The following LRP1B variants were observed in gnomAD, a reference collection of about 807,000 sequenced individuals.
LRP1B encodes the protein LDL receptor related protein 1B, also known as low-density lipoprotein receptor-related protein 1B.
In LRP1B, 217 loss-of-function variants were observed where a neutral mutation model predicts 556.6. The ratio of observed to expected loss-of-function variants is 0.39; its 90% confidence interval spans 0.35 to 0.44. The LOEUF (loss-of-function observed/expected upper bound fraction) is 0.44. LRP1B is among the 20% of genes least tolerant of loss of function. The pLI is 1.00. For missense variants in LRP1B, 5,053 were observed against 5,620.8 expected, an observed-to-expected ratio of 0.90 and a Z score of 3.23; for synonymous variants, 2,047 against 1,865.8, an observed-to-expected ratio of 1.10 and a Z score of -2.50.
intron 87 of LRP1B, among the ~76,000 whole-genome samples, chr2:140,239,790 T>C (rs1023943326): frequency 1.3e-5 from 2 of 150,954 alleles, no homozygotes; most frequent in African/African-American, 4.8e-5. Context: ...GATCTGACTT[T>C]TTTGTTGATC....
intron 26 of LRP1B, 63 bp from the exon 27 acceptor site, chr2:140,867,897 T>A (rs2105154822): frequency 3.5e-6 from 5 of 1,438,422 alleles, no homozygotes; most frequent in Non-Finnish European, 4.6e-6. Context: ...AGAGACATAA[T>A]CATGTAACTC....
chr2:141,743,501 C>CTTTTTTTTTTTTTTTTTTTTTTTTTT (rs796287062), intron 2 of LRP1B, among the ~76,000 whole-genome samples: 6 of 119,038 alleles, frequency 5.0e-5, no homozygotes, highest in African/African-American at 7.3e-5. Context: ...TTTTTTTTTT[C>CTTTTTTTTTTTTTTTTTTTTTTTTTT]TTTTTTTTTT....
At chr2:142,035,512 G>C (rs1703845479) in intron 1 of LRP1B, among the ~76,000 whole-genome samples, 1 of 151,328 alleles carries the variant, frequency 6.6e-6, no homozygotes, top group Non-Finnish European at 1.5e-5. Context: ...AGCTTGATTA[G>C]AGAACCACTG....
intron 41 of LRP1B, among the ~76,000 whole-genome samples, chr2:140,663,418 T>G (rs1012857566): frequency 4.6e-5 from 7 of 152,222 alleles, no homozygotes; most frequent in Non-Finnish European, 1.0e-4. Flanking sequence ...TTATCTTAGC[T>G]AGACCTTCTG....
intron 2 of LRP1B, among the ~76,000 whole-genome samples, chr2:141,712,858 T>TTTTTTTTTTG (rs1692417226): frequency 6.8e-6 from 1 of 147,422 alleles, no homozygotes; most frequent in Non-Finnish European, 1.5e-5. Context: ...TTTTTTTTTT[T>TTTTTTTTTTG]TAGTAGAGAT....
intron 2 of LRP1B, among the ~76,000 whole-genome samples, chr2:141,707,090 A>T (rs1692169841): frequency 6.6e-6 from 1 of 152,130 alleles, no homozygotes; most frequent in Non-Finnish European, 1.5e-5. Flanking sequence ...CTGAATGTCT[A>T]CCGGCATTAG....
chr2:141,810,252 G>A lies in LRP1B; in HGVS notation c.205+27C>T, dbSNP rs760830936. 14 of 1,609,326 alleles carry A rather than the reference G, an allele frequency of 8.7e-6. No individual in the cohort carries two copies. In the East Asian group the frequency reaches 2.7e-4, roughly 31 times the overall value. On this transcript the variant is annotated intron_variant, in intron 2 of 90. Transcript: ENST00000389484. ...TTAGTTTCACATGTAAGGTAAATCCGAATGGCATGAGAACCTTTCTACTCA... is the reference window on the plus strand; with the variant it reads ...TTAGTTTCACATGTAAGGTAAATCCAAATGGCATGAGAACCTTTCTACTCA...
chr2:140,766,859 T>TAATATATATATATTATATATATATA (rs35881662), intron 35 of LRP1B, among the ~76,000 whole-genome samples: 1 of 50,214 alleles, frequency 2.0e-5, no homozygotes, highest in African/African-American at 4.5e-5. Context: ...TATATATATA[T>TAATATATATATATTATATATATATA]ATATATAATA....
intron 41 of LRP1B, among the ~76,000 whole-genome samples, chr2:140,610,965 T>C (rs1683052065): frequency 6.6e-6 from 1 of 152,250 alleles, no homozygotes; most frequent in Non-Finnish European, 1.5e-5. Context: ...TGAGTTAACA[T>C]TTGTGAAGTA....
chr2:141,466,627 G>T (rs1262850329), intron 3 of LRP1B, among the ~76,000 whole-genome samples: 2 of 151,926 alleles, frequency 1.3e-5, no homozygotes, highest in South Asian at 2.1e-4. Context: ...GGGATAATTT[G>T]GTCTTCTTCC....
intron 50 of LRP1B, among the ~76,000 whole-genome samples, chr2:140,516,227 T>A (rs1689891680): frequency 6.6e-6 from 1 of 151,982 alleles, no homozygotes; most frequent in African/African-American, 2.4e-5. Context: ...TATCCATGGA[T>A]TCAACAAACT....
intron 6 of LRP1B, among the ~76,000 whole-genome samples, chr2:141,199,188 C>T (rs1681890251): frequency 6.6e-6 from 1 of 152,128 alleles, no homozygotes; most frequent in African/African-American, 2.4e-5. Flanking sequence ...GATTTACTGT[C>T]CCGCACAAAT....
intron 3 of LRP1B, among the ~76,000 whole-genome samples, chr2:141,397,100 G>A (rs1156749805): frequency 2.5e-5 from 1 of 39,932 alleles, no homozygotes; most frequent in Non-Finnish European, 4.2e-5. Context: ...GCAACAAGAA[G>A]GAAACTTTGT....
rs1338442637 is a variant in LRP1B, at chr2:141,227,980, G to A, written c.850+1203C>T. 3.9e-5 allele frequency among the ~76,000 whole-genome samples: 6 copies of A among 152,108 alleles called. 1 individual carries two copies. The highest frequency in any genetic ancestry group is 3.9e-4 in the Admixed American group (6 of 15,258). On this transcript the variant is annotated intron_variant, in intron 6 of 90. Coordinates refer to ENST00000389484, the MANE Select transcript of LRP1B (RefSeq NM_018557.3). Reference sequence around the variant, plus strand: ...TTGCTCTTGTCACCCAGGTTGGAGTGCAATGTCACAATCTCGGCTCACTGG... The same window carrying A: ...TTGCTCTTGTCACCCAGGTTGGAGTACAATGTCACAATCTCGGCTCACTGG...
intron 3 of LRP1B, among the ~76,000 whole-genome samples, chr2:141,326,355 TAA>T (rs1687429773): frequency 6.6e-6 from 1 of 152,100 alleles, no homozygotes; most frequent in Non-Finnish European, 1.5e-5. Flanking sequence ...TTAATAAGTA[TAA>T]GTTAACTCGA....
At chr2:141,096,810 T>A (rs1446477882) in intron 7 of LRP1B, among the ~76,000 whole-genome samples, 1 of 152,236 alleles carries the variant, frequency 6.6e-6, no homozygotes, top group African/African-American at 2.4e-5. Flanking sequence ...GATCAATATG[T>A]ACTTTGTCTT....
intron 3 of LRP1B, among the ~76,000 whole-genome samples, chr2:141,287,884 T>A (rs1260244667): frequency 6.6e-6 from 1 of 152,198 alleles, no homozygotes; most frequent in East Asian, 1.9e-4. Context: ...ATTACATAAT[T>A]GTTTATTTCT....
intron 84 of LRP1B, among the ~76,000 whole-genome samples, chr2:140,276,499 A>C (rs1682678486): frequency 6.6e-6 from 1 of 152,034 alleles, no homozygotes; most frequent in East Asian, 1.9e-4. Context: ...CTTGGAGGGT[A>C]TATATACACA....
chr2:141,265,519 G>A (rs1007640763), intron 3 of LRP1B, among the ~76,000 whole-genome samples: 1 of 152,106 alleles, frequency 6.6e-6, no homozygotes, highest in Non-Finnish European at 1.5e-5. Context: ...TCCTTAATTT[G>A]TTCTTTCTAC....
Sources: allele counts gnomAD v4.1 joint callset (sites outside exome capture counted in the v4.1 genomes callset), GRCh38; gene constraint gnomAD v4.1.1; transcripts MANE v1.5; gene names NCBI Gene and HGNC (gene_info 2026-07-23, HGNC 2026-07-21).